The following ETV6 variants were observed in gnomAD, a reference collection of about 807,000 sequenced individuals.
The protein encoded by ETV6 is ETS variant transcription factor 6.
ETV6 carries 16 observed loss-of-function variants against 51.1 expected under a neutral mutation model. The observed-to-expected ratio is 0.31, with a 90% CI of 0.21 to 0.48. The LOEUF (loss-of-function observed/expected upper bound fraction) is 0.48, where lower values mean the gene tolerates loss of function less well. ETV6 is among the 20% of genes least tolerant of loss of function. The probability of loss-of-function intolerance (pLI) is 0.99; values close to 1 mark genes in which losing one functional copy is unlikely to be tolerated. For missense variants in ETV6, 458 were observed against 594.8 expected (o/e 0.77, Z 2.39); for synonymous variants, 240 against 224.1 (o/e 1.07, Z -0.64).
At chr12:11,667,137 TCAGA>T (rs1230075247) in intron 1 of ETV6, among the ~76,000 whole-genome samples, 1 of 152,228 alleles carries the variant, frequency 6.6e-6, no homozygotes, top group Non-Finnish European at 1.5e-5. Context: ...CACCTCATCC[TCAGA>T]CAATGTGCTG....
rs2541135 is a variant in ETV6 at position 11,650,294 on chromosome 12, A to G, written c.33+134A>G. On this transcript the variant is annotated intron_variant, in intron 1 of 7. Coordinates refer to ENST00000396373, the MANE Select transcript of ETV6 (RefSeq NM_001987.5). ...GGAAATTATTTGGGGCGAGAGGGAA[A>G]GAGATGCAGCTCGCGGTGGCTGCTG... 783,705 of 789,158 alleles carry G rather than the reference A, an allele frequency of 0.99. 389,336 individuals are homozygous for G. Among genetic ancestry groups the G allele is most frequent in the East Asian group, 1 (39,715 of 39,716 alleles). 48.9% of individuals were successfully genotyped at this position (789,158 alleles called of 1,614,324 possible).
rs1555123226 is a variant in ETV6, at chr12:11,749,349, A to ACACACACACC, written c.34-3100_34-3099insACACACACCC. Among the ~76,000 whole-genome samples the ACACACACACC allele has an allele frequency of 4.0e-5, 5 of 123,772 alleles. No individual in the cohort carries two copies. In the East Asian group the frequency reaches 9.4e-4, roughly 23 times the overall value. 81.2% of individuals were successfully genotyped at this position (123,772 alleles called of 152,430 possible). A position where few individuals can be genotyped will look rare whatever the true frequency, so the allele number is the denominator to read the frequency against. ...CACACACACACACACACACACACAC[A>ACACACACACC]CCCCTACTCCCCATAATGTTAAAAG... is the stretch of plus-strand genomic sequence containing the variant. On this transcript the variant is annotated intron_variant, in intron 1 of 7. Coordinates refer to ENST00000396373, the MANE Select transcript of ETV6 (RefSeq NM_001987.5).
intron 1 of ETV6, among the ~76,000 whole-genome samples, chr12:11,683,690 C>A (rs1864575450): frequency 6.6e-6 from 1 of 152,168 alleles, no homozygotes; most frequent in Non-Finnish European, 1.5e-5. Context: ...GATTCCCATA[C>A]CTCAAGGAAC....
At chr12:11,827,371 A>G (rs2136446593) in intron 2 of ETV6, among the ~76,000 whole-genome samples, 1 of 152,248 alleles carries the variant, frequency 6.6e-6, no homozygotes, top group East Asian at 1.9e-4. Context: ...GGAAGAGGAC[A>G]AGGAAGAAGG....
chr12:11,817,473 AAAAT>A (rs1370765049), intron 2 of ETV6, among the ~76,000 whole-genome samples: 1 of 152,202 alleles, frequency 6.6e-6, no homozygotes, highest in Non-Finnish European at 1.5e-5. Flanking sequence ...TAAGAACCAA[AAAAT>A]AAATCAGTTG....
intron 5 of ETV6, among the ~76,000 whole-genome samples, chr12:11,873,186 C>G (rs1224839544): frequency 6.6e-6 from 1 of 152,190 alleles, no homozygotes; most frequent in Admixed American, 6.5e-5. Flanking sequence ...TTGTTTTTCT[C>G]CGAAGAAGGT....
intron 1 of ETV6, among the ~76,000 whole-genome samples, chr12:11,659,291 G>A (rs1230036336): frequency 1.3e-5 from 2 of 152,150 alleles, no homozygotes; most frequent in African/African-American, 4.8e-5. Flanking sequence ...GTCATTCTTT[G>A]TATGTACATG....
At chr12:11,810,768 T>C (rs1945901130) in intron 2 of ETV6, among the ~76,000 whole-genome samples, 5 of 152,216 alleles carry the variant, frequency 3.3e-5, no homozygotes, top group Admixed American at 3.3e-4. Flanking sequence ...TATCTCTTTG[T>C]TTGCTGCTGC....
intron 1 of ETV6, among the ~76,000 whole-genome samples, chr12:11,736,598 T>C (rs557160079): frequency 6.6e-6 from 1 of 152,298 alleles, no homozygotes; most frequent in East Asian, 1.9e-4. Context: ...TTGTAAAGTA[T>C]CTATTTCGAG....
intron 3 of ETV6, among the ~76,000 whole-genome samples, chr12:11,852,720 A>G (rs1341605117): frequency 6.6e-6 from 1 of 152,250 alleles, no homozygotes; most frequent in African/African-American, 2.4e-5. Flanking sequence ...GAAGCAGTTC[A>G]GTAATGTGGG....
intron 2 of ETV6, among the ~76,000 whole-genome samples, chr12:11,783,165 A>T (rs913088357): frequency 3.3e-5 from 5 of 152,128 alleles, no homozygotes; most frequent in Non-Finnish European, 5.9e-5. Flanking sequence ...AGAAAAGACA[A>T]GTCTCCGTGG....
At chr12:11,717,873 A>C (rs2120914111) in intron 1 of ETV6, among the ~76,000 whole-genome samples, 1 of 152,306 alleles carries the variant, frequency 6.6e-6, no homozygotes, top group Non-Finnish European at 1.5e-5. Flanking sequence ...TACTCGCTGC[A>C]ACAACCCGTT....
rs1945120125 is a variant in ETV6, at chr12:11,763,373, C to G, written c.163+10794C>G. Among the ~76,000 whole-genome samples the G allele has an allele frequency of 3.9e-5, 6 of 152,250 alleles. No homozygotes were observed. The South Asian group carries it at 1.2e-3, about 32-fold the overall frequency. ...AGGTATCTGGGGTTTTATTAAAGGTCTTTTAGGAACACAAAAGTAGGAATT... is the reference window on the plus strand; with the variant it reads ...AGGTATCTGGGGTTTTATTAAAGGTGTTTTAGGAACACAAAAGTAGGAATT... On this transcript the variant is annotated intron_variant, in intron 2 of 7. Transcript: ENST00000396373.
chr12:11,816,538 G>T (rs576767689), intron 2 of ETV6, among the ~76,000 whole-genome samples: 1 of 152,140 alleles, frequency 6.6e-6, no homozygotes, highest in Non-Finnish European at 1.5e-5. Context: ...GAGCCACTGC[G>T]CCCGGCCAGC....
intron 1 of ETV6, among the ~76,000 whole-genome samples, chr12:11,716,970 A>G (rs1213001065): frequency 2.0e-5 from 3 of 152,194 alleles, no homozygotes; most frequent in African/African-American, 7.2e-5. Context: ...TTTGATTCCA[A>G]GGGTCAAAGC....
intron 2 of ETV6, among the ~76,000 whole-genome samples, chr12:11,782,746 A>C (rs182133212): frequency 3.0e-4 from 46 of 152,370 alleles, no homozygotes; most frequent in African/African-American, 1.1e-3. Flanking sequence ...AAAGTAATTT[A>C]GAACTATAAC....
In ETV6 at chr12:11,888,885, T is replaced by C. The variant is rs575782921; in HGVS notation, c.1254-2056T>C. ...GAATACAGGTTGAGTATCCCTCATC[T>C]GGAATGCTTGGGACCAGAAGTGTTT... is the stretch of plus-strand genomic sequence containing the variant. On this transcript the variant is annotated intron_variant, in intron 7 of 7. Coordinates refer to ENST00000396373, the MANE Select transcript of ETV6 (RefSeq NM_001987.5). Among the ~76,000 whole-genome samples, 3 of 152,304 alleles carry C rather than the reference T, an allele frequency of 2.0e-5. No homozygotes were observed. In the South Asian group the frequency reaches 6.2e-4, roughly 32 times the overall value.
At chr12:11,684,847 A>C (rs912563908) in intron 1 of ETV6, among the ~76,000 whole-genome samples, 4 of 152,246 alleles carry the variant, frequency 2.6e-5, no homozygotes, top group Non-Finnish European at 4.4e-5. Flanking sequence ...TTGGTGTTAT[A>C]ATACCCAAGA....
chr12:11,743,617 A>C (rs1865851297), intron 1 of ETV6, among the ~76,000 whole-genome samples: 1 of 152,140 alleles, frequency 6.6e-6, no homozygotes, highest in South Asian at 2.1e-4. Flanking sequence ...TGAGAATATA[A>C]ATCTTCTCCC....
Sources: gnomAD v4.1 joint callset for allele counts (sites outside exome capture counted in the v4.1 genomes callset) on GRCh38, gnomAD v4.1.1 for gene constraint, MANE v1.5 for transcripts, NCBI Gene and HGNC (gene_info 2026-07-23, HGNC 2026-07-21) for gene names.